Variants in CCDC88C observed in about 807,000 individuals in gnomAD.
CCDC88C encodes the protein protein Daple.
In CCDC88C, 131 loss-of-function variants were observed where a neutral mutation model predicts 198.8. That is an observed-to-expected ratio of 0.66 (90% CI 0.57 to 0.76). The LOEUF (loss-of-function observed/expected upper bound fraction) is 0.76, where lower values mean the gene tolerates loss of function less well. Among genes scored for constraint, CCDC88C ranks in the 30% least tolerant of loss-of-function variants. The probability of loss-of-function intolerance (pLI) is 0.00; values close to 1 mark genes in which losing one functional copy is unlikely to be tolerated. For synonymous variants in CCDC88C, 1,166 were observed against 1,114.7 expected (o/e 1.05, Z -0.92); for missense variants, 2,553 against 2,631.6 (o/e 0.97, Z 0.65).
At chr14:91,335,854 G>T (rs1377637055) in intron 10 of CCDC88C, among the ~76,000 whole-genome samples, 1 of 152,162 alleles carries the variant, frequency 6.6e-6, no homozygotes, top group Non-Finnish European at 1.5e-5. Context: ...GAGAACAGGT[G>T]TCCTCCACCA....
chr14:91,389,700 C>T (rs1217154930), intron 3 of CCDC88C, among the ~76,000 whole-genome samples: 1 of 137,074 alleles, frequency 7.3e-6, no homozygotes. Flanking sequence ...GGCAACACAG[C>T]AAGACCCTGG....
In CCDC88C at chr14:91,278,067, T is replaced by C. The variant is rs779379350; in HGVS notation, c.4913A>G (p.Asn1638Ser). Reference protein sequence around the residue: ...LGRHEYPLPRNGPLPQEGAQK... With the variant: ...LGRHEYPLPRSGPLPQEGAQK... ...GGCACCCTCCTGTGGGAGAGGCCCGTTCCGAGGCAAGGGGTACTCGTGGCG... is the reference window on the plus strand; with the variant it reads ...GGCACCCTCCTGTGGGAGAGGCCCGCTCCGAGGCAAGGGGTACTCGTGGCG... The change falls in exon 29 of 30, where the codon AAC becomes AGC. Residue 1638 changes from asparagine to serine, a missense_variant. Physicochemically the swap from Asn to Ser is conservative, Grantham distance 46. Around this residue, in one of 2 missense-constraint regions of CCDC88C, gnomAD observed 1,293 missense variants for 1,219.6 expected, o/e 1.06. Coordinates refer to ENST00000389857, the MANE Select transcript of CCDC88C (RefSeq NM_001080414.4). 1 of 1,611,966 alleles carries C rather than the reference T, an allele frequency of 6.2e-7. No individual in the cohort carries two copies. Among genetic ancestry groups the C allele is most frequent in the South Asian group, 1.1e-5 (1 of 90,588 alleles).
intron 10 of CCDC88C, among the ~76,000 whole-genome samples, chr14:91,329,965 G>A (rs994914021): frequency 6.6e-6 from 1 of 152,244 alleles, no homozygotes; most frequent in African/African-American, 2.4e-5. Flanking sequence ...ACTCCACAGA[G>A]GGAGCACAAA....
chr14:91,303,389 C>A (rs1891403285), intron 20 of CCDC88C, among the ~76,000 whole-genome samples: 1 of 151,666 alleles, frequency 6.6e-6, no homozygotes, highest in African/African-American at 2.4e-5. Context: ...CACCCATCTC[C>A]CCCAGTCCCT....
Position 91,338,285 on chromosome 14 carries a change from C to CG in CCDC88C, c.892-123dup. 1 of 1,244,596 alleles carries CG rather than the reference C, an allele frequency of 8.0e-7. No homozygotes were observed. Among genetic ancestry groups the CG allele is most frequent in the Non-Finnish European group, 1.1e-6 (1 of 892,362 alleles). The allele number at this position is 1,244,596 out of a possible 1,614,324, so 77.1% of individuals were successfully genotyped here. On this transcript the variant is annotated intron_variant, in intron 9 of 29. Coordinates refer to ENST00000389857, the MANE Select transcript of CCDC88C (RefSeq NM_001080414.4). The surrounding 1 kb of genome is among the most constrained non-coding windows in gnomAD (Gnocchi z 4.8). ...CCAGGACAAGCCAGCTCCTGGTGGCCGGGGGCCTCCATGTGCCACCACCAC... is the reference window on the plus strand; with the variant it reads ...CCAGGACAAGCCAGCTCCTGGTGGCCGGGGGGCCTCCATGTGCCACCACCAC...
intron 3 of CCDC88C, among the ~76,000 whole-genome samples, chr14:91,366,603 T>C (rs989032617): frequency 2.0e-5 from 3 of 152,148 alleles, no homozygotes; most frequent in African/African-American, 7.2e-5. Context: ...CTATCCAAGA[T>C]GAGGAATGAA....
chr14:91,357,409 T>C (rs539894765), intron 4 of CCDC88C, among the ~76,000 whole-genome samples: 1 of 152,366 alleles, frequency 6.6e-6, no homozygotes, highest in Admixed American at 6.5e-5. Context: ...CGTGTCACCA[T>C]GCCCGGCTAA....
chr14:91,327,457 C>T (rs535567842), intron 10 of CCDC88C, among the ~76,000 whole-genome samples: 1 of 152,376 alleles, frequency 6.6e-6, no homozygotes, highest in African/African-American at 2.4e-5. Flanking sequence ...CCAGGCAATC[C>T]ATGTCCTGCC....
Position 91,417,701 on chromosome 14 carries a change from C to A in CCDC88C, c.-11G>T. 1 of 1,500,604 alleles carries A rather than the reference C, an allele frequency of 6.7e-7. No individual in the cohort carries two copies. Among genetic ancestry groups the A allele is most frequent in the Middle Eastern group, 2.0e-4 (1 of 5,014 alleles). The allele number at this position is 1,500,604 out of a possible 1,614,324, so 93.0% of individuals were successfully genotyped here. On this transcript the variant is annotated 5_prime_UTR_variant, in exon 1 of 30. Coordinates refer to ENST00000389857, the MANE Select transcript of CCDC88C (RefSeq NM_001080414.4). ...GACTGTCACGTCCATGCTGAGGCTG[C>A]GCCCGCCGGCTCCGCGCCCCCCGCC...
At chr14:91,324,755 T>C in intron 12 of CCDC88C, 24 bp downstream of exon 12, 2 of 1,606,094 alleles carry the variant, frequency 1.2e-6, no homozygotes, top group Non-Finnish European at 1.7e-6. Context: ...CCAGGCTGGC[T>C]CCCCGGCACC....
intron 22 of CCDC88C, among the ~76,000 whole-genome samples, chr14:91,295,971 C>A (rs1405134760): frequency 2.0e-5 from 3 of 152,242 alleles, no homozygotes; most frequent in Non-Finnish European, 4.4e-5. Context: ...AAAAAGAGCA[C>A]TGCCTGCAAG....
At chr14:91,347,687 G>A (rs909163824) in intron 4 of CCDC88C, among the ~76,000 whole-genome samples, 1 of 152,162 alleles carries the variant, frequency 6.6e-6, no homozygotes, top group Admixed American at 6.5e-5. Context: ...GGAAACAACA[G>A]GTGCTGGAGA....
At chr14:91,378,096 A>C (rs1884561890) in intron 3 of CCDC88C, among the ~76,000 whole-genome samples, 1 of 152,244 alleles carries the variant, frequency 6.6e-6, no homozygotes, top group African/African-American at 2.4e-5. Context: ...CAGCTCATTA[A>C]AAGACACACG....
intron 25 of CCDC88C, among the ~76,000 whole-genome samples, chr14:91,287,913 T>C (rs982246957): frequency 2.0e-5 from 3 of 152,134 alleles, no homozygotes; most frequent in African/African-American, 7.2e-5. Context: ...AGCTGAAAAT[T>C]TAACAATGTG....
At position 91,371,874 on chromosome 14, in the gene CCDC88C, GA is replaced by G. The variant is rs1163005774; in HGVS notation, c.271-12164del. ...CACTCCCAGGCACAAGTCGGAGCAG[GA>G]TGGTGGAGGGCACCTAGGAGCCTCC... is the stretch of plus-strand genomic sequence containing the variant. On this transcript the variant is annotated intron_variant, in intron 3 of 29. Coordinates refer to ENST00000389857, the MANE Select transcript of CCDC88C (RefSeq NM_001080414.4). The surrounding 1 kb of genome is among the most constrained non-coding windows in gnomAD (Gnocchi z 4.2). Among the ~76,000 whole-genome samples, 1 of 152,216 alleles carries G rather than the reference GA, an allele frequency of 6.6e-6. No homozygotes were observed. Among genetic ancestry groups the G allele is most frequent in the African/African-American group, 2.4e-5 (1 of 41,460 alleles).
rs758746178 is a variant in CCDC88C at position 91,417,163 on chromosome 14, C to G, written c.61-325G>C. The G allele has an allele frequency of 2.3e-4, 163 of 703,048 alleles. 1 individual carries two copies. In the Middle Eastern group the frequency reaches 4.5e-3, roughly 20 times the overall value. 43.6% of individuals were successfully genotyped at this position (703,048 alleles called of 1,614,324 possible). A position where few individuals can be genotyped will look rare whatever the true frequency, so the allele number is the denominator to read the frequency against. On this transcript the variant is annotated intron_variant, in intron 1 of 29. Coordinates refer to ENST00000389857, the MANE Select transcript of CCDC88C (RefSeq NM_001080414.4). ...CCATTGTAAATCAGTGCGCCCACCCCAGTCTGTTCGCTTTCCCATTCGGCG... is the reference window on the plus strand; with the variant it reads ...CCATTGTAAATCAGTGCGCCCACCCGAGTCTGTTCGCTTTCCCATTCGGCG...
Position 91,325,922 on chromosome 14 carries a change from G to C in CCDC88C, c.1185C>G (p.His395Gln). Reference sequence around the variant, plus strand: ...CAGCCTGCAGTACCAATTCCAGGTCGTGAAGCTTGGATTTCAGCTGCAGGT... The same window carrying C: ...CAGCCTGCAGTACCAATTCCAGGTCCTGAAGCTTGGATTTCAGCTGCAGGT... ...KENLQLKSKL[H>Q]DLELDRDTDK... The change falls in exon 11 of 30, where the codon CAC becomes CAG. Residue 395 changes from histidine (H) to glutamine (Q), a missense_variant. This residue lies in a region of CCDC88C where 1,260 missense variants were observed against 1,412.0 expected (regional missense o/e 0.89). Coordinates refer to ENST00000389857, the MANE Select transcript of CCDC88C (RefSeq NM_001080414.4). This position sits in a 1 kb window ranked among gnomAD's most constrained non-coding sequence, Gnocchi z 4.1. The C allele has an allele frequency of 5.2e-6, 8 of 1,552,436 alleles. No individual in the cohort carries two copies. The highest frequency in any genetic ancestry group is 7.0e-6 in the Non-Finnish European group (8 of 1,147,358).
At chr14:91,376,336 G>A (rs946692135) in intron 3 of CCDC88C, among the ~76,000 whole-genome samples, 2 of 152,276 alleles carry the variant, frequency 1.3e-5, no homozygotes, top group Non-Finnish European at 1.5e-5. Flanking sequence ...TGACTGCCTC[G>A]ATTTTATATC....
chr14:91,413,458 A>C (rs1452198971), intron 2 of CCDC88C, among the ~76,000 whole-genome samples: 1 of 152,188 alleles, frequency 6.6e-6, no homozygotes, highest in African/African-American at 2.4e-5. Flanking sequence ...TAAGGCTCTT[A>C]AATAATTTTC....
Sources: gnomAD v4.1 joint callset for allele counts (sites outside exome capture counted in the v4.1 genomes callset) on GRCh38, gnomAD v4.1.1 for gene constraint, gnomAD v4.1.1 regional missense constraint, Gnocchi (gnomAD v3.1) non-coding constraint, MANE v1.5 for transcripts, NCBI Gene and HGNC (gene_info 2026-07-23, HGNC 2026-07-21) for gene names.